Variants in BMPER observed in about 807,000 individuals in gnomAD.
BMPER encodes BMP-binding endothelial regulator protein.
A neutral mutation model predicts 87.3 loss-of-function variants in BMPER; 45 were observed. That is an observed-to-expected ratio of 0.52 (90% CI 0.41 to 0.66). The LOEUF (loss-of-function observed/expected upper bound fraction) is 0.66. BMPER is among the 30% of genes least tolerant of loss of function. The pLI is 0.00. For missense variants in BMPER, 784 were observed against 867.5 expected (o/e 0.90, Z 1.21); for synonymous variants, 326 against 316.2 (o/e 1.03, Z -0.33).
chr7:34,017,250 A>G (rs1373299632), intron 6 of BMPER, among the ~76,000 whole-genome samples: 3 of 151,872 alleles, frequency 2.0e-5, no homozygotes, highest in Non-Finnish European at 4.4e-5. Flanking sequence ...TGATGAGTGT[A>G]TTGGTCTGTT....
intron 13 of BMPER, among the ~76,000 whole-genome samples, chr7:34,116,828 A>G (rs1790129604): frequency 6.6e-6 from 1 of 152,152 alleles, no homozygotes; most frequent in Non-Finnish European, 1.5e-5. Context: ...CGTCTCTACT[A>G]GAAATACAAA....
chr7:33,966,526 A>C lies in BMPER; in HGVS notation c.367A>C (p.Ser123Arg). 6.2e-7 allele frequency: 1 copy of C among 1,613,906 alleles called. No homozygotes were observed. Among genetic ancestry groups the C allele is most frequent in the South Asian group, 1.1e-5 (1 of 91,076 alleles). The change falls in exon 4 of 15, where the codon AGC (serine) becomes CGC (arginine). Residue 123 changes from serine to arginine, a missense_variant. Coordinates refer to ENST00000649409, the MANE Select transcript of BMPER (RefSeq NM_001365308.1). ...NTYNSSFKWQ[S>R]PAEPCVLRQC... is the part of the protein sequence containing the mutation. ...CTATAACAGCTCCTTCAAATGGCAG[A>C]GCCCGGCTGAGCCTTGTGTTCTACG...
chr7:34,026,449 C>T (rs756700335), intron 6 of BMPER, among the ~76,000 whole-genome samples: 6 of 152,034 alleles, frequency 3.9e-5, no homozygotes, highest in Non-Finnish European at 7.4e-5. Context: ...TCAGATCAGA[C>T]CTCTAAGCAA....
chr7:34,030,043 T>G (rs1787480638), intron 6 of BMPER, among the ~76,000 whole-genome samples: 1 of 152,116 alleles, frequency 6.6e-6, no homozygotes, highest in Non-Finnish European at 1.5e-5. Context: ...TTCAATTCAA[T>G]TCTGAGCAGG....
chr7:33,911,374 T>A (rs1238786990), intron 2 of BMPER, among the ~76,000 whole-genome samples: 15 of 152,218 alleles, frequency 9.9e-5, no homozygotes, highest in Admixed American at 9.8e-4. Flanking sequence ...GTGAAGTCAG[T>A]TCCTTCTTTG....
At chr7:34,000,254 G>A (rs1786543623) in intron 6 of BMPER, among the ~76,000 whole-genome samples, 1 of 152,002 alleles carries the variant, frequency 6.6e-6, no homozygotes, top group African/African-American at 2.4e-5. Context: ...GTGTGGGAGT[G>A]CAACCATTCA....
intron 3 of BMPER, among the ~76,000 whole-genome samples, chr7:33,944,614 G>A (rs1051515813): frequency 6.6e-6 from 1 of 152,088 alleles, no homozygotes; most frequent in Non-Finnish European, 1.5e-5. Flanking sequence ...AGAGAAGAAG[G>A]CATGTTATCA....
chr7:34,145,346 C>T (rs1020570328), intron 14 of BMPER, among the ~76,000 whole-genome samples: 3 of 152,190 alleles, frequency 2.0e-5, no homozygotes, highest in Non-Finnish European at 4.4e-5. Context: ...GCGCCCCCAC[C>T]TCTGCAAACC....
chr7:34,065,203 A>T (rs5004036), intron 11 of BMPER, among the ~76,000 whole-genome samples: 23,767 of 97,390 alleles, frequency 0.24, 3,283 homozygotes, highest in African/African-American at 0.34. Flanking sequence ...ATACACACTC[A>T]CTCTCTCTCT....
intron 2 of BMPER, among the ~76,000 whole-genome samples, chr7:33,923,045 G>A: frequency 6.6e-6 from 1 of 152,122 alleles, no homozygotes; most frequent in South Asian, 2.1e-4. Flanking sequence ...GTGGGGTCTT[G>A]GCTTCTCTGC....
At chr7:33,910,079 C>G (rs544504118) in intron 2 of BMPER, among the ~76,000 whole-genome samples, 2 of 152,172 alleles carry the variant, frequency 1.3e-5, no homozygotes, top group Non-Finnish European at 2.9e-5. Context: ...TTCAGTTCAT[C>G]TATTTGAGGG....
intron 2 of BMPER, among the ~76,000 whole-genome samples, chr7:33,931,484 G>A (rs924830464): frequency 2.6e-5 from 4 of 152,188 alleles, no homozygotes; most frequent in Admixed American, 2.6e-4. Context: ...AAGCTGCTAT[G>A]TAAACCTGAA....
At chr7:34,030,523 G>T (rs1787493057) in intron 6 of BMPER, among the ~76,000 whole-genome samples, 1 of 152,050 alleles carries the variant, frequency 6.6e-6, no homozygotes, top group Non-Finnish European at 1.5e-5. Context: ...TTTCTTTGTA[G>T]AAGTCTTGTG....
At chr7:34,015,121 A>T (rs941968831) in intron 6 of BMPER, among the ~76,000 whole-genome samples, 2 of 151,988 alleles carry the variant, frequency 1.3e-5, no homozygotes, top group Admixed American at 1.3e-4. Context: ...TCTTCTAGAT[A>T]AAAGAACAAA....
intron 7 of BMPER, among the ~76,000 whole-genome samples, chr7:34,048,594 G>A (rs541345959): frequency 2.0e-5 from 3 of 152,122 alleles, no homozygotes; most frequent in Non-Finnish European, 2.9e-5. Context: ...GTGACATTTG[G>A]GTCTGGCTCC....
chr7:34,144,706 A>G (rs1790973476), intron 14 of BMPER, among the ~76,000 whole-genome samples: 1 of 152,150 alleles, frequency 6.6e-6, no homozygotes, highest in Non-Finnish European at 1.5e-5. Flanking sequence ...AGTCAAGGGT[A>G]GCTGCTGTTG....
chr7:34,083,464 A>AT (rs373920329), intron 12 of BMPER, among the ~76,000 whole-genome samples: 2 of 151,970 alleles, frequency 1.3e-5, no homozygotes, highest in South Asian at 4.1e-4. Context: ...AATCTCTAAA[A>AT]TTTTTTTTGG....
intron 10 of BMPER, 101 bp downstream of exon 10, chr7:34,058,264 C>A: frequency 8.9e-7 from 1 of 1,117,552 alleles, no homozygotes; most frequent in South Asian, 1.3e-5. Context: ...TCCAGCTCCC[C>A]CAAAGCCTCT....
chr7:34,059,260 A>C (rs1413492632), intron 10 of BMPER, among the ~76,000 whole-genome samples: 1 of 152,172 alleles, frequency 6.6e-6, no homozygotes, highest in Non-Finnish European at 1.5e-5. Context: ...ATTCTACAAG[A>C]CAAAAACAGG....
Sources: gnomAD v4.1 joint callset for allele counts (sites outside exome capture counted in the v4.1 genomes callset) on GRCh38, gnomAD v4.1.1 for gene constraint, MANE v1.5 for transcripts, NCBI Gene and HGNC (gene_info 2026-07-23, HGNC 2026-07-21) for gene names.